The following STK3 variants were observed in gnomAD, a reference collection of about 807,000 sequenced individuals.
The protein encoded by STK3 is serine/threonine-protein kinase 3.
Under a neutral mutation model 58.0 loss-of-function variants are expected in STK3, and 41 were observed. The ratio of observed to expected loss-of-function variants is 0.71; its 90% CI spans 0.55 to 0.92. The LOEUF (loss-of-function observed/expected upper bound fraction) is 0.92. STK3 is among the 40% of genes least tolerant of loss of function. The pLI is 0.00. For synonymous variants in STK3, 170 were observed against 191.0 expected, an observed-to-expected ratio of 0.89 and a Z score of 0.91; for missense variants, 479 against 602.7, an observed-to-expected ratio of 0.79 and a Z score of 2.15.
intron 4 of STK3, among the ~76,000 whole-genome samples, chr8:98,746,966 C>T (rs1829681794): frequency 6.6e-6 from 1 of 151,618 alleles, no homozygotes; most frequent in South Asian, 2.1e-4. Context: ...CGCTTGAGCC[C>T]AGGAATTCAA....
rs561720506 is a variant in STK3 at position 98,386,320 on chromosome 8, A to G, written n.56+1872T>C. Among the ~76,000 whole-genome samples, 9 of 152,358 alleles carry G rather than the reference A, an allele frequency of 5.9e-5. No individual in the cohort carries two copies. The East Asian group carries it at 1.4e-3, about 23-fold the overall frequency. On this transcript the variant is annotated intron_variant and non_coding_transcript_variant, in intron 1 of 2. Transcript: ENST00000518704. Reference sequence around the variant, plus strand: ...TAGCAAAGAATTGAAAGCAACCCAAATGCCTATCAGTAGGAAACTGGTTGA... The same window carrying G: ...TAGCAAAGAATTGAAAGCAACCCAAGTGCCTATCAGTAGGAAACTGGTTGA...
At chr8:98,672,152 G>A (rs191731057) in intron 6 of STK3, among the ~76,000 whole-genome samples, 1 of 152,050 alleles carries the variant, frequency 6.6e-6, no homozygotes, top group Admixed American at 6.5e-5. Context: ...TCTCAAACTT[G>A]CCCAGGCTGG....
At chr8:98,678,303 A>G (rs1823373536) in intron 6 of STK3, among the ~76,000 whole-genome samples, 1 of 152,164 alleles carries the variant, frequency 6.6e-6, no homozygotes, top group Admixed American at 6.5e-5. Context: ...TGTAGAAAAG[A>G]AACAGAAAAA....
At chr8:98,876,010 T>C (rs894541078) in intron 3 of STK3, among the ~76,000 whole-genome samples, 1 of 152,192 alleles carries the variant, frequency 6.6e-6, no homozygotes. Context: ...CTCTCCATTA[T>C]GCTTAGTGCC....
chr8:98,931,561 G>A (rs1455593134), intron 1 of STK3, among the ~76,000 whole-genome samples: 1 of 152,200 alleles, frequency 6.6e-6, no homozygotes, highest in East Asian at 1.9e-4. Flanking sequence ...GGTAAACCCA[G>A]ATACCCAGCA....
At chr8:98,597,659 T>A in intron 6 of STK3, 3 of 985,396 alleles carry the variant, frequency 3.0e-6, no homozygotes, top group South Asian at 9.4e-5. Context: ...TAATTTAAAC[T>A]AGGACATATG....
intron 8 of STK3, among the ~76,000 whole-genome samples, chr8:98,552,255 ATTTTTGCCCC>A (rs1378656015): frequency 3.3e-5 from 5 of 152,072 alleles, no homozygotes; most frequent in Admixed American, 6.6e-5. Flanking sequence ...TATTGTTTCC[ATTTTTGCCCC>A]TTTTAGTCTC....
intron 1 of STK3, among the ~76,000 whole-genome samples, chr8:98,903,556 CCTTTT>C (rs1165631208): frequency 4.0e-5 from 2 of 50,502 alleles, no homozygotes; most frequent in African/African-American, 1.4e-4. Flanking sequence ...TCTTCTTCTT[CCTTTT>C]TTTTTTTTTA....
chr8:98,357,550 C>T, the STK3 span, among the ~76,000 whole-genome samples: 15,956 of 152,208 alleles, frequency 0.1, 939 homozygotes, highest in East Asian at 0.19. Context: ...CTGGATGTGG[C>T]TGAGGCTGCC....
intron 1 of STK3, among the ~76,000 whole-genome samples, chr8:98,824,579 G>A (rs1646349359): frequency 1.3e-5 from 2 of 152,180 alleles, no homozygotes; most frequent in African/African-American, 4.8e-5. Flanking sequence ...TCTGACAGCA[G>A]GTCCCTTTTG....
At chr8:98,509,433 T>G (rs1824335317) in intron 10 of STK3, among the ~76,000 whole-genome samples, 1 of 151,946 alleles carries the variant, frequency 6.6e-6, no homozygotes, top group African/African-American at 2.4e-5. Context: ...CAAACAAAAA[T>G]ACAAGTTTTA....
chr8:98,733,331 C>T (rs1192186150), intron 4 of STK3, among the ~76,000 whole-genome samples: 4 of 152,022 alleles, frequency 2.6e-5, no homozygotes, highest in Non-Finnish European at 5.9e-5. Flanking sequence ...GGGAACTGGG[C>T]CACATAGCAG....
intron 6 of STK3, among the ~76,000 whole-genome samples, chr8:98,649,458 A>G (rs1025239363): frequency 2.0e-5 from 3 of 152,196 alleles, no homozygotes; most frequent in Non-Finnish European, 4.4e-5. Context: ...ATATTCTTCC[A>G]TGTAAGTCTC....
chr8:98,726,917 T>G (rs1376101132), intron 4 of STK3, among the ~76,000 whole-genome samples: 1 of 152,216 alleles, frequency 6.6e-6, no homozygotes, highest in Non-Finnish European at 1.5e-5. Flanking sequence ...AGTTTAAGAT[T>G]CATTTTGTGA....
At chr8:98,355,713 A>C in the STK3 span, among the ~76,000 whole-genome samples, 36 of 152,344 alleles carry the variant, frequency 2.4e-4, no homozygotes, top group Non-Finnish European at 4.4e-4. Context: ...GTCACTGCCC[A>C]GTATAGATAC....
chr8:98,680,462 C>T (rs1029904259), intron 6 of STK3, among the ~76,000 whole-genome samples: 1 of 152,108 alleles, frequency 6.6e-6, no homozygotes, highest in East Asian at 1.9e-4. Context: ...TAACAAAAGC[C>T]GATGCTATGA....
At chr8:98,712,510 A>G (rs1025154655) in intron 4 of STK3, among the ~76,000 whole-genome samples, 3 of 151,240 alleles carry the variant, frequency 2.0e-5, no homozygotes, top group African/African-American at 4.9e-5. Context: ...CAGACGTTAA[A>G]CCAACAAAGA....
chr8:98,825,516 T>C lies in STK3; in HGVS notation c.25A>G (p.Ser9Gly). 1 of 1,453,154 alleles carries C rather than the reference T, an allele frequency of 6.9e-7. No homozygotes were observed. The highest frequency in any genetic ancestry group is 9.1e-7 in the Non-Finnish European group (1 of 1,097,500). The allele number at this position is 1,453,154 out of a possible 1,614,324, so 90.0% of individuals were successfully genotyped here. The change falls in exon 1 of 11, where the codon AGT becomes GGT. Residue 9 changes from serine (S) to glycine (G), a missense_variant and splice_region_variant. Around this residue, in one of 3 missense-constraint regions of STK3, gnomAD observed 44 missense variants for 37.0 expected, o/e 1.19. Coordinates refer to ENST00000419617, the MANE Select transcript of STK3 (RefSeq NM_006281.4). ...TCTTCCCGCTCCCCGATTCGTTACC[T>C]CTTAGGCGCCGGCGGCTGCTCCATG... MEQPPAPK[S>G]KLKKLSEDSL...
At chr8:98,572,037 T>A (rs1021641049) in intron 8 of STK3, among the ~76,000 whole-genome samples, 9 of 152,358 alleles carry the variant, frequency 5.9e-5, no homozygotes, top group Admixed American at 5.2e-4. Flanking sequence ...ATGTACCACA[T>A]GTAGAATATT....
Sources: allele counts gnomAD v4.1 joint callset (sites outside exome capture counted in the v4.1 genomes callset), GRCh38; gene constraint gnomAD v4.1.1; regional missense constraint gnomAD v4.1.1; transcripts MANE v1.5; gene names NCBI Gene and HGNC (gene_info 2026-07-23, HGNC 2026-07-21).